Variants in DIAPH2 observed in about 807,000 individuals in gnomAD.
The protein encoded by DIAPH2 is protein diaphanous homolog 2.
A neutral mutation model predicts 92.7 loss-of-function variants in DIAPH2; 35 were observed. The observed-to-expected ratio is 0.38, with a 90% confidence interval of 0.29 to 0.50. DIAPH2 has a LOEUF of 0.50. DIAPH2 is among the 20% of genes least tolerant of loss of function. The pLI is 0.94. For synonymous variants in DIAPH2, 301 were observed against 280.4 expected (o/e 1.07, Z -0.73); for missense variants, 701 against 819.5 (o/e 0.86, Z 1.77).
Position 97,078,356 on chromosome X carries a change from G to A in DIAPH2, c.2247+3095G>A, listed in dbSNP as rs190927941. Among the ~76,000 whole-genome samples the A allele has an allele frequency of 1.1e-3, 125 of 111,485 alleles. 3 individuals carry two copies. Among genetic ancestry groups the A allele is most frequent in the Middle Eastern group, 4.6e-3 (1 of 217 alleles). ...CCTGGAGTTCAAAGCCCTCTTTGGG[G>A]ACCCATGGAGAGAATTCAGGGGGTC... is the stretch of plus-strand genomic sequence containing the variant. On this transcript the variant is annotated intron_variant, in intron 19 of 26. Transcript: ENST00000324765.
At chrX:96,836,405 T>A (rs1028557687) in intron 4 of DIAPH2, among the ~76,000 whole-genome samples, 4 of 109,053 alleles carry the variant, frequency 3.7e-5, no homozygotes, top group Non-Finnish European at 7.6e-5. Context: ...ATGACTGTAC[T>A]CAAAGGCATA....
intron 4 of DIAPH2, among the ~76,000 whole-genome samples, chrX:96,769,723 A>G (rs2064325863): frequency 8.9e-6 from 1 of 111,761 alleles, no homozygotes; most frequent in Non-Finnish European, 1.9e-5. Flanking sequence ...CAAGCCCATA[A>G]TAGTGAAGGT....
Position 96,933,770 on chromosome X carries a change from ATT to A in DIAPH2, c.1089+2945_1089+2946del, listed in dbSNP as rs757624722. On this transcript the variant is annotated intron_variant, in intron 10 of 26. Coordinates refer to ENST00000324765, the MANE Select transcript of DIAPH2 (RefSeq NM_006729.5). ...AGGTGCGCGCCATCATGCCCGGCTA[ATT>A]TTTTTTTTTTTTTTTTTGCATTTTT... 3.9e-3 allele frequency among the ~76,000 whole-genome samples: 307 copies of A among 77,768 alleles called. 1 individual carries two copies. Among genetic ancestry groups the A allele is most frequent in the African/African-American group, 9.4e-3 (197 of 21,064 alleles). The allele number at this position is 77,768 out of a possible 115,157, so 67.5% of individuals were successfully genotyped here.
chrX:96,939,566 A>G lies in DIAPH2; in HGVS notation c.1325+184A>G, dbSNP rs868362716. Among the ~76,000 whole-genome samples the G allele has an allele frequency of 5.9e-3, 418 of 70,469 alleles. 5 individuals are homozygous for G. The highest frequency in any genetic ancestry group is 0.015 in the African/African-American group (305 of 20,492). 61.2% of individuals were successfully genotyped at this position (70,469 alleles called of 115,157 possible). ...TGTATGTATATATGTATATATATATATGTGTGTGTGTGTGTATATGTGTGT... is the reference window on the plus strand; with the variant it reads ...TGTATGTATATATGTATATATATATGTGTGTGTGTGTGTGTATATGTGTGT... On this transcript the variant is annotated intron_variant, in intron 12 of 26. Coordinates refer to ENST00000324765, the MANE Select transcript of DIAPH2 (RefSeq NM_006729.5).
chrX:97,520,905 C>T (rs1205580431), intron 26 of DIAPH2, among the ~76,000 whole-genome samples: 2 of 112,231 alleles, frequency 1.8e-5, no homozygotes, highest in Non-Finnish European at 1.9e-5. Flanking sequence ...GTTTCATCAA[C>T]GAACCACTTT....
intron 22 of DIAPH2, among the ~76,000 whole-genome samples, chrX:97,245,487 G>T (rs1230784638): frequency 1.8e-5 from 2 of 110,312 alleles, no homozygotes; most frequent in Non-Finnish European, 3.8e-5. Flanking sequence ...TGCTTAGGCT[G>T]CTCTCGAACT....
rs138062844 is a variant in DIAPH2, at chrX:97,447,231, G to A, written c.3241+17486G>A. Among the ~76,000 whole-genome samples, 704 of 110,171 alleles carry A rather than the reference G, an allele frequency of 6.4e-3. 2 individuals are homozygous for A. The highest frequency in any genetic ancestry group is 0.011 in the Non-Finnish European group (567 of 52,793). On this transcript the variant is annotated intron_variant, in intron 26 of 26. Coordinates refer to ENST00000324765, the MANE Select transcript of DIAPH2 (RefSeq NM_006729.5). Reference sequence around the variant, plus strand: ...ACTAAGCTGCTAAATCTTTCGCTGAGGAATTAAATGTAATGTTTCTAGAAA... The same window carrying A: ...ACTAAGCTGCTAAATCTTTCGCTGAAGAATTAAATGTAATGTTTCTAGAAA...
chrX:96,870,829 G>T (rs1291619456), intron 4 of DIAPH2, among the ~76,000 whole-genome samples: 1 of 111,687 alleles, frequency 9.0e-6, no homozygotes, highest in Non-Finnish European at 1.9e-5. Context: ...ACAATGTATA[G>T]CTTCATTACC....
intron 9 of DIAPH2, among the ~76,000 whole-genome samples, chrX:96,922,271 T>G (rs2065550983): frequency 9.1e-6 from 1 of 110,359 alleles, no homozygotes; most frequent in Non-Finnish European, 1.9e-5. Flanking sequence ...TTATATCTCT[T>G]TCTGTTAACC....
intron 22 of DIAPH2, among the ~76,000 whole-genome samples, chrX:97,176,579 G>C (rs974459175): frequency 9.0e-6 from 1 of 111,203 alleles, no homozygotes; most frequent in Non-Finnish European, 1.9e-5. Flanking sequence ...CCAGGCTGGA[G>C]TGCAGTGGCG....
At chrX:96,927,282 ATTTT>A (rs5903060) in intron 9 of DIAPH2, among the ~76,000 whole-genome samples, 2,533 of 82,090 alleles carry the variant, frequency 0.031, 85 homozygotes, top group African/African-American at 0.11. Flanking sequence ...CTGGAGTTGA[ATTTT>A]TTTTTTTTTT....
At chrX:97,570,574 G>A (rs954668986) in intron 26 of DIAPH2, among the ~76,000 whole-genome samples, 7 of 110,496 alleles carry the variant, frequency 6.3e-5, no homozygotes, top group Non-Finnish European at 1.1e-4. Context: ...CTTAGGGAAG[G>A]TAGTCATTTG....
intron 22 of DIAPH2, among the ~76,000 whole-genome samples, chrX:97,234,905 G>C (rs1404673528): frequency 8.9e-6 from 1 of 111,968 alleles, no homozygotes; most frequent in Non-Finnish European, 1.9e-5. Flanking sequence ...TTATCTCATA[G>C]TACTTGTATT....
At position 97,348,140 on chromosome X, in the gene DIAPH2, C is replaced by G; in HGVS notation, c.2869C>G (p.Gln957Glu). 8.3e-7 allele frequency: 1 copy of G among 1,211,158 alleles called. No homozygotes were observed. The highest frequency in any genetic ancestry group is 1.1e-6 in the Non-Finnish European group (1 of 895,223). Residue 957 changes from glutamine to glutamate, a missense_variant, in exon 24 of 27, where the codon CAG becomes GAG. Physicochemically the swap from Gln to Glu is conservative, Grantham distance 29. Coordinates refer to ENST00000324765, the MANE Select transcript of DIAPH2 (RefSeq NM_006729.5). ...MTSFTKTARE[Q>E]YEKLSTMHNN... The stretch of plus-strand genomic sequence containing the variant: ...CAGCTTTACAAAGACTGCCCGAGAA[C>G]AGTATGAAAAACTCTCCACCATGCA...
rs750360804 is a variant in DIAPH2, at chrX:97,417,375, T to TACACACAC, written c.3146-12259_3146-12252dup. On this transcript the variant is annotated intron_variant, in intron 25 of 26. Coordinates refer to ENST00000324765, the MANE Select transcript of DIAPH2 (RefSeq NM_006729.5). Reference sequence around the variant, plus strand: ...ATTCAAAAAATAGGGTGGTCACACATACACACACACACACACACACACATA... The same window carrying TACACACAC: ...ATTCAAAAAATAGGGTGGTCACACATACACACACACACACACACACACACACACACATA... Among the ~76,000 whole-genome samples, 326 of 103,809 alleles carry TACACACAC rather than the reference T, an allele frequency of 3.1e-3. 2 individuals carry two copies. Among genetic ancestry groups the TACACACAC allele is most frequent in the African/African-American group, 0.01 (282 of 27,822 alleles). 90.1% of individuals were successfully genotyped at this position (103,809 alleles called of 115,157 possible).
chrX:96,716,722 A>G (rs1436711947), intron 1 of DIAPH2, among the ~76,000 whole-genome samples: 1 of 111,327 alleles, frequency 9.0e-6, no homozygotes, highest in Non-Finnish European at 1.9e-5. Flanking sequence ...TTACTAGAAC[A>G]CCCCAGTAAA....
At chrX:97,389,373 A>T (rs770017656) in intron 25 of DIAPH2, among the ~76,000 whole-genome samples, 85 of 106,704 alleles carry the variant, frequency 8.0e-4, no homozygotes, top group African/African-American at 2.9e-3. Context: ...AGGCTGAGGC[A>T]GAGAATTGCT....
intron 26 of DIAPH2, among the ~76,000 whole-genome samples, chrX:97,582,928 C>T (rs2071450628): frequency 9.0e-6 from 1 of 111,512 alleles, no homozygotes; most frequent in South Asian, 3.8e-4. Flanking sequence ...TTCATTTCAT[C>T]TTCCATTGCT....
chrX:96,820,586 A>T (rs1349316336), intron 4 of DIAPH2, among the ~76,000 whole-genome samples: 1 of 112,911 alleles, frequency 8.9e-6, no homozygotes, highest in African/African-American at 3.2e-5. Flanking sequence ...AGAAGTAATC[A>T]GGAATATTTA....
Sources: gnomAD v4.1 joint callset for allele counts (sites outside exome capture counted in the v4.1 genomes callset) on GRCh38, gnomAD v4.1.1 for gene constraint, MANE v1.5 for transcripts, NCBI Gene and HGNC (gene_info 2026-07-23, HGNC 2026-07-21) for gene names.